CHODL: variants seen among roughly 807,000 people sequenced by gnomAD.
CHODL encodes the protein transmembrane protein MT75.
CHODL carries 29 observed loss-of-function variants against 34.5 expected under a neutral mutation model. The ratio of observed to expected loss-of-function variants is 0.84; its 90% CI spans 0.63 to 1.15. The LOEUF (loss-of-function observed/expected upper bound fraction) is 1.15, where lower values mean the gene tolerates loss of function less well. Ranked by LOEUF, CHODL falls within the 50% of genes most tolerant of loss-of-function variation. The pLI, the probability that CHODL is intolerant of heterozygous loss-of-function variation, is 0.00. For synonymous variants in CHODL, 125 were observed against 116.1 expected, an observed-to-expected ratio of 1.08 and a Z score of -0.49; for missense variants, 332 against 332.5, an observed-to-expected ratio of 1.00 and a Z score of 0.01.
chr21:18,097,142 A>G (rs1231110940), intron 2 of CHODL, among the ~76,000 whole-genome samples: 1 of 152,132 alleles, frequency 6.6e-6, no homozygotes, highest in East Asian at 1.9e-4. Context: ...ATAAAAAGCC[A>G]TTTCTTTCAA....
chr21:18,061,370 GA>G (rs2064662789), intron 2 of CHODL, among the ~76,000 whole-genome samples: 1 of 152,024 alleles, frequency 6.6e-6, no homozygotes, highest in South Asian at 2.1e-4. Context: ...TAATGTAAGG[GA>G]AAAAAACTAA....
In CHODL at chr21:18,148,939, A is replaced by G. The variant is rs184958171; in HGVS notation, c.-44-107570A>G. Among the ~76,000 whole-genome samples the G allele has an allele frequency of 6.9e-4, 104 of 150,456 alleles. 1 individual carries two copies. The highest frequency in any genetic ancestry group is 2.4e-3 in the African/African-American group (99 of 41,114). ...CTTTTTTTAAACTTGTTTGCTAACC[A>G]TGGGATAAAGATACCAGTTTGGCTG... On this transcript the variant is annotated intron_variant, in intron 2 of 6. Coordinates refer to the CHODL transcript ENST00000400127.
At chr21:18,082,181 G>T (rs118119333) in intron 2 of CHODL, among the ~76,000 whole-genome samples, 1,605 of 152,256 alleles carry the variant, frequency 0.011, 10 homozygotes, top group Non-Finnish European at 0.015. Flanking sequence ...GTTTCAAAGT[G>T]TGTGGCACTT....
At chr21:17,960,905 G>A (rs1568817980) in intron 1 of CHODL, among the ~76,000 whole-genome samples, 1 of 152,072 alleles carries the variant, frequency 6.6e-6, no homozygotes, top group Non-Finnish European at 1.5e-5. Context: ...TCTCAAGTTT[G>A]TACTCTCTGC....
intron 1 of CHODL, among the ~76,000 whole-genome samples, chr21:17,983,915 G>A (rs1484575245): frequency 1.3e-5 from 2 of 151,482 alleles, no homozygotes; most frequent in Non-Finnish European, 2.9e-5. Flanking sequence ...GTGTGTGTGG[G>A]GGGGGTGGGG....
chr21:18,064,784 AATAT>A (rs1212650262), intron 2 of CHODL, among the ~76,000 whole-genome samples: 1 of 152,118 alleles, frequency 6.6e-6, no homozygotes, highest in African/African-American at 2.4e-5. Flanking sequence ...CACGTATGTA[AATAT>A]ATGTATGTAT....
rs2073271607 is a variant in CHODL at position 18,174,141 on chromosome 21, AT to A, written c.-44-82367del. 1.7e-5 allele frequency among the ~76,000 whole-genome samples: 2 copies of A among 117,354 alleles called. 1 individual carries two copies. The highest frequency in any genetic ancestry group is 7.0e-5 in the African/African-American group (2 of 28,482). The allele number at this position is 117,354 out of a possible 152,430, so 77.0% of individuals were successfully genotyped here. A position where few individuals can be genotyped will look rare whatever the true frequency, so the allele number is the denominator to read the frequency against. On this transcript the variant is annotated intron_variant, in intron 2 of 6. Transcript: ENST00000400127. Reference sequence around the variant, plus strand: ...TCTTGGTGTATATATATATATATATATATATATATATATATATATAAAATCA... The same window carrying A: ...TCTTGGTGTATATATATATATATATAATATATATATATATATATAAAATCA...
intron 1 of CHODL, among the ~76,000 whole-genome samples, chr21:18,008,698 G>C (rs567537682): frequency 6.6e-6 from 1 of 152,120 alleles, no homozygotes; most frequent in Admixed American, 6.5e-5. Flanking sequence ...TTTCAAGGCT[G>C]AATAATAAGG....
chr21:18,234,715 A>G (rs966488271), intron 2 of CHODL, among the ~76,000 whole-genome samples: 6 of 152,106 alleles, frequency 3.9e-5, no homozygotes, highest in Non-Finnish European at 2.9e-5. Context: ...AGGGGGTAGA[A>G]CAAAACTTCT....
chr21:17,993,631 G>T (rs990852487), intron 1 of CHODL, among the ~76,000 whole-genome samples: 2 of 152,086 alleles, frequency 1.3e-5, no homozygotes, highest in Non-Finnish European at 2.9e-5. Flanking sequence ...TGGGCATTTA[G>T]GTTCATTCTA....
At chr21:18,009,140 C>A (rs1292837853) in intron 1 of CHODL, among the ~76,000 whole-genome samples, 8 of 152,158 alleles carry the variant, frequency 5.3e-5, no homozygotes, top group African/African-American at 1.9e-4. Flanking sequence ...TGAGTCCAAA[C>A]TGTACTTATG....
chr21:18,083,528 C>G (rs1215802177), intron 2 of CHODL, among the ~76,000 whole-genome samples: 2 of 152,200 alleles, frequency 1.3e-5, no homozygotes, highest in African/African-American at 4.8e-5. Flanking sequence ...GCCTCAGTCA[C>G]TCAACACCAA....
chr21:18,244,482 A>T (rs2074111972), upstream of CHODL, among the ~76,000 whole-genome samples: 1 of 152,240 alleles, frequency 6.6e-6, no homozygotes, highest in Admixed American at 6.5e-5. Context: ...CATATGATTA[A>T]GCAATTTAGC....
intron 2 of CHODL, among the ~76,000 whole-genome samples, chr21:18,164,527 G>T (rs1006307771): frequency 6.6e-6 from 1 of 152,168 alleles, no homozygotes; most frequent in Non-Finnish European, 1.5e-5. Flanking sequence ...TCAAAGGTTA[G>T]CCTTGGCAAT....
intron 1 of CHODL, among the ~76,000 whole-genome samples, chr21:18,255,492 C>T (rs1317637800): frequency 2.0e-5 from 3 of 152,028 alleles, no homozygotes; most frequent in Non-Finnish European, 4.4e-5. Context: ...TTCAAGTCTG[C>T]TAAATGTTTA....
In CHODL at chr21:18,056,422, C is replaced by T. The variant is rs367800607; in HGVS notation, c.-45+28451C>T. Among the ~76,000 whole-genome samples the T allele has an allele frequency of 5.4e-5, 8 of 148,626 alleles. No individual in the cohort carries two copies. The East Asian group carries it at 9.8e-4, about 18-fold the overall frequency. On this transcript the variant is annotated intron_variant, in intron 2 of 6. Coordinates refer to the CHODL transcript ENST00000400127. ...AAATTTGTAGAATCTTTTCTTTGTCCTCTGTGTTCTGAAAATTTACAATGA... is the reference window on the plus strand; with the variant it reads ...AAATTTGTAGAATCTTTTCTTTGTCTTCTGTGTTCTGAAAATTTACAATGA...
intron 2 of CHODL, among the ~76,000 whole-genome samples, chr21:18,127,532 A>C (rs1019514501): frequency 4.5e-4 from 68 of 152,284 alleles, no homozygotes; most frequent in African/African-American, 1.6e-3. Context: ...AGATGGGGCA[A>C]CTTACACATC....
At chr21:17,921,742 G>T (rs1369476471) in intron 1 of CHODL, among the ~76,000 whole-genome samples, 2 of 152,208 alleles carry the variant, frequency 1.3e-5, no homozygotes, top group African/African-American at 4.8e-5. Flanking sequence ...AGGGCAATGT[G>T]TTGACACAGG....
At chr21:17,920,086 C>A (rs141480049) in intron 1 of CHODL, among the ~76,000 whole-genome samples, 1 of 152,188 alleles carries the variant, frequency 6.6e-6, no homozygotes, top group Non-Finnish European at 1.5e-5. Context: ...CTAGGGAGTT[C>A]CAAACTTTCC....
Sources: gnomAD v4.1 joint callset for allele counts (sites outside exome capture counted in the v4.1 genomes callset) on GRCh38, gnomAD v4.1.1 for gene constraint, MANE v1.5 for transcripts, NCBI Gene and HGNC (gene_info 2026-07-23, HGNC 2026-07-21) for gene names.